The following PPA2 variants were observed in gnomAD, a reference collection of about 807,000 sequenced individuals.
PPA2 encodes inorganic pyrophosphatase 2, mitochondrial.
In PPA2, 48 loss-of-function variants were observed where a neutral mutation model predicts 49.5. The observed-to-expected ratio is 0.97, with a 90% CI of 0.77 to 1.23. The LOEUF (loss-of-function observed/expected upper bound fraction) is 1.23, where lower values mean the gene tolerates loss of function less well. Among genes scored for constraint, PPA2 ranks in the 50% most tolerant of loss-of-function variants. The pLI, the probability that PPA2 is intolerant of heterozygous loss-of-function variation, is 0.00. For missense variants in PPA2, 429 were observed against 410.1 expected (o/e 1.05, Z -0.40); for synonymous variants, 131 against 139.9 (o/e 0.94, Z 0.45).
chr4:105,431,218 T>C (rs1401858606), intron 6 of PPA2, among the ~76,000 whole-genome samples: 1 of 152,218 alleles, frequency 6.6e-6, no homozygotes, highest in Non-Finnish European at 1.5e-5. Flanking sequence ...GTGTACACTT[T>C]AAATAGGTAC....
intron 6 of PPA2, among the ~76,000 whole-genome samples, chr4:105,435,132 G>A (rs1053426933): frequency 5.9e-5 from 9 of 152,028 alleles, no homozygotes; most frequent in Admixed American, 1.3e-4. Flanking sequence ...TTAACAATGC[G>A]GTGTTAAAAG....
intron 9 of PPA2, among the ~76,000 whole-genome samples, chr4:105,388,923 C>A (rs1364496431): frequency 1.3e-5 from 2 of 151,336 alleles, no homozygotes; most frequent in African/African-American, 4.9e-5. Context: ...GTAAGATAAA[C>A]CGATACATAG....
intron 10 of PPA2, among the ~76,000 whole-genome samples, chr4:105,385,457 AAAC>A (rs1733644992): frequency 6.6e-6 from 1 of 152,114 alleles, no homozygotes; most frequent in Admixed American, 6.6e-5. Flanking sequence ...CAAACAAAAA[AAAC>A]AATAAATTAA....
rs761033616 is a variant in PPA2 at position 105,456,726 on chromosome 4, G to A, written c.177C>T (p.Tyr59=). Reference sequence around the variant, plus strand: ...GAGGAATATCATGAAAGGGGGAAATGTAGTGACCAGTTACATTCTCTGCAA... The same window carrying A: ...GAGGAATATCATGAAAGGGGGAAATATAGTGACCAGTTACATTCTCTGCAA... The part of the protein sequence containing the change: ...RLFFKNVTGH[Y]ISPFHDIPLK... The change falls in exon 2 of 12, where the codon TAC becomes TAT. Residue 59 remains tyrosine, a synonymous_variant. Transcript: ENST00000341695. The A allele has an allele frequency of 6.2e-7, 1 of 1,606,248 alleles. No homozygotes were observed. Among genetic ancestry groups the A allele is most frequent in the Admixed American group, 1.7e-5 (1 of 58,790 alleles).
At chr4:105,405,665 A>G in intron 7 of PPA2, 1 of 1,004,184 alleles carries the variant, frequency 1.0e-6, no homozygotes, top group Non-Finnish European at 1.2e-6. Context: ...AGACCTTTTG[A>G]CAGGAGGGGC....
chr4:105,442,845 A>G (rs1560633512), intron 5 of PPA2, among the ~76,000 whole-genome samples: 1 of 152,240 alleles, frequency 6.6e-6, no homozygotes, highest in Non-Finnish European at 1.5e-5. Flanking sequence ...TGCTCTGAAC[A>G]AGTTTCTTGC....
At chr4:105,439,397 A>G (rs903910290) in intron 5 of PPA2, among the ~76,000 whole-genome samples, 1 of 152,144 alleles carries the variant, frequency 6.6e-6, no homozygotes, top group Admixed American at 6.5e-5. Context: ...TCTTTCAAAT[A>G]CCTTCTCTTA....
At chr4:105,397,802 C>A (rs1365229550) in intron 8 of PPA2, among the ~76,000 whole-genome samples, 3 of 152,138 alleles carry the variant, frequency 2.0e-5, no homozygotes, top group Non-Finnish European at 4.4e-5. Flanking sequence ...GCCTGCTCCC[C>A]CTTCATCTTT....
At chr4:105,381,486 T>C (rs57620916) in intron 10 of PPA2, among the ~76,000 whole-genome samples, 5,011 of 152,150 alleles carry the variant, frequency 0.033, 280 homozygotes, top group African/African-American at 0.11. Context: ...GGGATTCTGA[T>C]GAAAAAAATA....
At chr4:105,434,204 C>T (rs2110284757) in intron 6 of PPA2, among the ~76,000 whole-genome samples, 1 of 152,254 alleles carries the variant, frequency 6.6e-6, no homozygotes, top group East Asian at 1.9e-4. Context: ...TAGAAACTGT[C>T]AGATAAGGAA....
At chr4:105,440,698 AT>A (rs141987311) in intron 5 of PPA2, among the ~76,000 whole-genome samples, 1 of 152,028 alleles carries the variant, frequency 6.6e-6, no homozygotes, top group African/African-American at 2.4e-5. Flanking sequence ...ATGAGCATTA[AT>A]TTTTTTTAAG....
chr4:105,375,634 A>G (rs567389083), intron 10 of PPA2, among the ~76,000 whole-genome samples: 60 of 152,246 alleles, frequency 3.9e-4, no homozygotes, highest in Non-Finnish European at 7.1e-4. Context: ...AACCCTGGTG[A>G]TAAGAGGGTA....
intron 9 of PPA2, among the ~76,000 whole-genome samples, chr4:105,394,373 CAAAAAAAA>C (rs34736301): frequency 1.0e-5 from 1 of 96,918 alleles, no homozygotes; most frequent in Admixed American, 1.2e-4. Flanking sequence ...GATTCCATTT[CAAAAAAAA>C]AAAAAAAAAG....
intron 1 of PPA2, chr4:105,473,505 GC>G (rs1290928910): frequency 6.6e-6 from 3 of 452,694 alleles, no homozygotes; most frequent in Non-Finnish European, 1.3e-5. Flanking sequence ...GGCGGGCTCT[GC>G]CTTCCCTTCC....
At chr4:105,418,538 G>C (rs116102559) in intron 7 of PPA2, among the ~76,000 whole-genome samples, 1 of 151,928 alleles carries the variant, frequency 6.6e-6, no homozygotes, top group Admixed American at 6.6e-5. Context: ...GTGTGATGCC[G>C]GCCTATGAAA....
intron 7 of PPA2, among the ~76,000 whole-genome samples, chr4:105,414,376 G>A (rs1354036695): frequency 6.6e-6 from 1 of 152,128 alleles, no homozygotes; most frequent in Non-Finnish European, 1.5e-5. Context: ...AGTTTTGCTC[G>A]GCCCGCTGGG....
At chr4:105,404,336 T>A (rs1019891977) in intron 7 of PPA2, among the ~76,000 whole-genome samples, 3 of 151,972 alleles carry the variant, frequency 2.0e-5, no homozygotes, top group Admixed American at 6.6e-5. Context: ...CCTGATTTTT[T>A]AAATATAATT....
intron 6 of PPA2, among the ~76,000 whole-genome samples, chr4:105,436,654 A>G (rs530892229): frequency 6.6e-6 from 1 of 152,256 alleles, no homozygotes; most frequent in Admixed American, 6.5e-5. Flanking sequence ...AAAACACAGA[A>G]CAAACAAATG....
At chr4:105,379,721 C>A (rs994579570) in intron 10 of PPA2, among the ~76,000 whole-genome samples, 10 of 149,954 alleles carry the variant, frequency 6.7e-5, no homozygotes, top group African/African-American at 2.2e-4. Flanking sequence ...GCAACCTTTG[C>A]CTCCTGGGTT....
Sources: allele counts gnomAD v4.1 joint callset (sites outside exome capture counted in the v4.1 genomes callset), GRCh38; gene constraint gnomAD v4.1.1; transcripts MANE v1.5; gene names NCBI Gene and HGNC (gene_info 2026-07-23, HGNC 2026-07-21).